CTNNA3: variants seen among roughly 807,000 people sequenced by gnomAD.
CTNNA3 encodes catenin alpha-3.
Under a neutral mutation model 95.7 loss-of-function variants are expected in CTNNA3, and 76 were observed. That is an observed-to-expected ratio of 0.79 (90% CI 0.66 to 0.96). The LOEUF (loss-of-function observed/expected upper bound fraction) is 0.96. CTNNA3 is among the 40% of genes least tolerant of loss of function. The probability of loss-of-function intolerance (pLI) is 0.00; values close to 1 mark genes in which losing one functional copy is unlikely to be tolerated. For missense variants in CTNNA3, 1,191 were observed against 1,089.8 expected, an observed-to-expected ratio of 1.09 and a Z score of -1.31; for synonymous variants, 431 against 374.4, an observed-to-expected ratio of 1.15 and a Z score of -1.74.
intron 7 of CTNNA3, among the ~76,000 whole-genome samples, chr10:67,092,764 T>C (rs1279462641): frequency 6.6e-6 from 1 of 151,996 alleles, no homozygotes; most frequent in African/African-American, 2.4e-5. Flanking sequence ...GTACATAGCA[T>C]TGATGTTGAT....
At position 66,274,447 on chromosome 10, in the gene CTNNA3, T is replaced by C. The variant is rs576332036; in HGVS notation, c.1884+6023A>G. ...AATAATGATTCACATATATGAGAAATAAAAAATAAAAGAGAACCTCCATAC... is the reference window on the plus strand; with the variant it reads ...AATAATGATTCACATATATGAGAAACAAAAAATAAAAGAGAACCTCCATAC... On this transcript the variant is annotated intron_variant, in intron 13 of 17. Coordinates refer to ENST00000433211, the MANE Select transcript of CTNNA3 (RefSeq NM_013266.4). Among the ~76,000 whole-genome samples the C allele has an allele frequency of 2.6e-5, 4 of 152,010 alleles. No homozygotes were observed. The South Asian group carries it at 8.3e-4, about 32-fold the overall frequency.
intron 9 of CTNNA3, among the ~76,000 whole-genome samples, chr10:66,725,050 A>C (rs962569579): frequency 2.0e-5 from 3 of 152,176 alleles, no homozygotes; most frequent in Non-Finnish European, 2.9e-5. Flanking sequence ...TTTAAATCAT[A>C]CCTAGATTAC....
rs59366031 is a variant in CTNNA3 at position 66,356,122 on chromosome 10, G to GTT, written c.1732+23028_1732+23029dup. Among the ~76,000 whole-genome samples the GTT allele has an allele frequency of 8.6e-3, 1,010 of 117,046 alleles. 6 individuals carry two copies. The highest frequency in any genetic ancestry group is 9.9e-3 in the Middle Eastern group (2 of 202). The allele number at this position is 117,046 out of a possible 152,430, so 76.8% of individuals were successfully genotyped here. A position where few individuals can be genotyped will look rare whatever the true frequency, so the allele number is the denominator to read the frequency against. On this transcript the variant is annotated intron_variant, in intron 12 of 17. Coordinates refer to ENST00000433211, the MANE Select transcript of CTNNA3 (RefSeq NM_013266.4). ...TGCTCCAAATTTGTTTGCTTGTTTTGTTTTTTTTTTTTTTTTTTTGGCTAT... is the reference window on the plus strand; with the variant it reads ...TGCTCCAAATTTGTTTGCTTGTTTTGTTTTTTTTTTTTTTTTTTTTTGGCTAT...
At chr10:66,409,266 A>C (rs550981799) in intron 11 of CTNNA3, among the ~76,000 whole-genome samples, 57 of 152,232 alleles carry the variant, frequency 3.7e-4, no homozygotes, top group African/African-American at 1.3e-3. Context: ...TCAAAGAGAA[A>C]TTTTGGGATT....
chr10:66,810,267 A>G (rs1447769310), intron 7 of CTNNA3, among the ~76,000 whole-genome samples: 1 of 152,176 alleles, frequency 6.6e-6, no homozygotes, highest in Non-Finnish European at 1.5e-5. Flanking sequence ...AAATATACCA[A>G]TATAGTATGA....
intron 7 of CTNNA3, among the ~76,000 whole-genome samples, chr10:66,851,473 C>T (rs1168894008): frequency 2.0e-5 from 3 of 152,076 alleles, no homozygotes; most frequent in Admixed American, 6.5e-5. Flanking sequence ...TCTCCAGTAT[C>T]GGAGGTGGGG....
chr10:66,255,976 G>A (rs190080959), intron 13 of CTNNA3, among the ~76,000 whole-genome samples: 196 of 152,284 alleles, frequency 1.3e-3, no homozygotes, highest in African/African-American at 4.3e-3. Context: ...AGCTTAGGTG[G>A]ATGAAACTCA....
At chr10:65,944,889 T>TATCTATC (rs1554818870) in intron 17 of CTNNA3, among the ~76,000 whole-genome samples, 5 of 113,144 alleles carry the variant, frequency 4.4e-5, no homozygotes, top group Admixed American at 1.0e-4. Context: ...TCTATCTATC[T>TATCTATC]ATCTATCTAT....
intron 7 of CTNNA3, among the ~76,000 whole-genome samples, chr10:67,069,407 C>A (rs758400441): frequency 6.6e-6 from 1 of 151,954 alleles, no homozygotes; most frequent in Admixed American, 6.6e-5. Context: ...ACTCAAAAAA[C>A]GCTCATTGTA....
At chr10:67,194,233 C>T (rs1373529023) in intron 6 of CTNNA3, among the ~76,000 whole-genome samples, 1 of 151,968 alleles carries the variant, frequency 6.6e-6, no homozygotes, top group East Asian at 1.9e-4. Context: ...CCAAAGTAGT[C>T]AAAAACATGT....
chr10:67,316,628 A>C (rs1016526896), intron 5 of CTNNA3, among the ~76,000 whole-genome samples: 1 of 152,214 alleles, frequency 6.6e-6, no homozygotes, highest in African/African-American at 2.4e-5. Flanking sequence ...GCCATGACAG[A>C]GCCATTCATT....
intron 7 of CTNNA3, chr10:67,097,809 G>T (rs200165508): frequency 6.8e-6 from 11 of 1,610,984 alleles, no homozygotes; most frequent in South Asian, 2.2e-5. Context: ...GAGATCATTG[G>T]TAGCCAGGGG....
At chr10:67,329,308 C>T (rs1436526273) in intron 5 of CTNNA3, among the ~76,000 whole-genome samples, 1 of 152,194 alleles carries the variant, frequency 6.6e-6, no homozygotes, top group African/African-American at 2.4e-5. Context: ...GAGGTCAAGG[C>T]TGCAGTCAGC....
intron 11 of CTNNA3, among the ~76,000 whole-genome samples, chr10:66,434,959 C>T (rs1351391640): frequency 6.6e-6 from 1 of 151,096 alleles, no homozygotes; most frequent in African/African-American, 2.4e-5. Flanking sequence ...TATTGATTTG[C>T]TTATGTTGAA....
intron 10 of CTNNA3, among the ~76,000 whole-genome samples, chr10:66,553,464 T>G (rs570096511): frequency 2.0e-5 from 3 of 147,768 alleles, no homozygotes; most frequent in African/African-American, 7.5e-5. Context: ...GTGATTACCC[T>G]AGAAGTGACA....
intron 5 of CTNNA3, among the ~76,000 whole-genome samples, chr10:67,299,910 T>C (rs10823025): frequency 0.25 from 38,323 of 152,164 alleles, 7,051 homozygotes; most frequent in African/African-American, 0.51. Flanking sequence ...TCTGCCTATA[T>C]ATGTAAGACA....
intron 12 of CTNNA3, among the ~76,000 whole-genome samples, chr10:66,364,027 A>T (rs551824408): frequency 0.018 from 2,778 of 152,200 alleles, 92 homozygotes; most frequent in African/African-American, 0.064. Flanking sequence ...GTTGGTAAGT[A>T]TTAGAGCTAA....
At chr10:66,672,198 C>G (rs530837398) in intron 9 of CTNNA3, among the ~76,000 whole-genome samples, 1 of 152,066 alleles carries the variant, frequency 6.6e-6, no homozygotes, top group Admixed American at 6.6e-5. Context: ...AAGATGCTAT[C>G]GATATATCCC....
chr10:67,489,166 G>A (rs1848561820), intron 5 of CTNNA3, among the ~76,000 whole-genome samples: 1 of 152,074 alleles, frequency 6.6e-6, no homozygotes. Context: ...CCCTGTTAAT[G>A]TATCTTTTAC....
Sources: gnomAD v4.1 joint callset for allele counts (sites outside exome capture counted in the v4.1 genomes callset) on GRCh38, gnomAD v4.1.1 for gene constraint, MANE v1.5 for transcripts, NCBI Gene and HGNC (gene_info 2026-07-23, HGNC 2026-07-21) for gene names.